Variants in DCLK2 observed in about 807,000 individuals in gnomAD.
The protein encoded by DCLK2 is doublecortin like kinase 2.
DCLK2 carries 31 observed loss-of-function variants against 78.4 expected under a neutral mutation model. The observed-to-expected ratio is 0.40, with a 90% CI of 0.30 to 0.53. The LOEUF (loss-of-function observed/expected upper bound fraction) is 0.53, where lower values mean the gene tolerates loss of function less well. Ranked by LOEUF, DCLK2 falls within the 20% of genes least tolerant of loss-of-function variation. The pLI, the probability that DCLK2 is intolerant of heterozygous loss-of-function variation, is 0.61. For missense variants in DCLK2, 872 were observed against 973.7 expected, an observed-to-expected ratio of 0.90 and a Z score of 1.39; for synonymous variants, 407 against 374.9, an observed-to-expected ratio of 1.09 and a Z score of -0.99.
chr4:150,186,960 G>A (rs867037014), intron 2 of DCLK2, among the ~76,000 whole-genome samples: 7 of 151,186 alleles, frequency 4.6e-5, no homozygotes, highest in African/African-American at 1.7e-4. Flanking sequence ...TTTAAGCATG[G>A]GCAAATAATG....
intron 12 of DCLK2, among the ~76,000 whole-genome samples, chr4:150,243,635 T>G (rs1046333071): frequency 6.6e-6 from 1 of 152,242 alleles, no homozygotes; most frequent in Non-Finnish European, 1.5e-5. Context: ...ATTTACAGTT[T>G]TAGCTTCTCT....
At chr4:150,121,627 T>A (rs1217720048) in intron 2 of DCLK2, among the ~76,000 whole-genome samples, 1 of 152,264 alleles carries the variant, frequency 6.6e-6, no homozygotes, top group Non-Finnish European at 1.5e-5. Context: ...GATATGTTGT[T>A]GACCTCTTCC....
At chr4:150,184,670 C>T (rs944474378) in intron 2 of DCLK2, among the ~76,000 whole-genome samples, 3 of 150,678 alleles carry the variant, frequency 2.0e-5, no homozygotes, top group Non-Finnish European at 2.9e-5. Flanking sequence ...AGCGCGATCT[C>T]GGCTCACTGC....
chr4:150,078,789 G>A lies in DCLK2; in HGVS notation c.-239G>A, dbSNP rs912913828. On this transcript the variant is annotated 5_prime_UTR_variant, in exon 1 of 16. Transcript: ENST00000296550. The stretch of plus-strand genomic sequence containing the variant: ...GGCTCCCCGGCAGGCGGGAGGCACG[G>A]AGCAAGTCGCACTGGACAATGACCT... 9 of 393,942 alleles carry A rather than the reference G, an allele frequency of 2.3e-5. No homozygotes were observed. The highest frequency in any genetic ancestry group is 1.9e-4 in the African/African-American group (9 of 48,130). 24.4% of individuals were successfully genotyped at this position (393,942 alleles called of 1,614,324 possible).
At chr4:150,118,479 T>C (rs1052189801) in intron 2 of DCLK2, among the ~76,000 whole-genome samples, 1 of 152,194 alleles carries the variant, frequency 6.6e-6, no homozygotes, top group Non-Finnish European at 1.5e-5. Flanking sequence ...TCAGAAAATT[T>C]AGAAAATACA....
intron 1 of DCLK2, among the ~76,000 whole-genome samples, chr4:150,096,764 A>G (rs1730496171): frequency 6.6e-6 from 1 of 152,234 alleles, no homozygotes; most frequent in Non-Finnish European, 1.5e-5. Flanking sequence ...GGGGCGAGCC[A>G]CATTTCAGCT....
intron 2 of DCLK2, among the ~76,000 whole-genome samples, chr4:150,152,367 C>T (rs1734959809): frequency 6.6e-6 from 1 of 152,166 alleles, no homozygotes; most frequent in African/African-American, 2.4e-5. Flanking sequence ...CTGCAACCTC[C>T]ACCTCCCCGG....
At chr4:150,140,669 C>T (rs1734050167) in intron 2 of DCLK2, among the ~76,000 whole-genome samples, 1 of 152,086 alleles carries the variant, frequency 6.6e-6, no homozygotes, top group Non-Finnish European at 1.5e-5. Context: ...TATTCTTTTC[C>T]TATTTACTTT....
chr4:150,080,412 T>TC (rs1660281038), intron 1 of DCLK2, among the ~76,000 whole-genome samples: 1 of 152,174 alleles, frequency 6.6e-6, no homozygotes. Flanking sequence ...AAAGGCATTA[T>TC]CAGTGGTTAA....
At chr4:150,168,588 C>T (rs933303056) in intron 2 of DCLK2, among the ~76,000 whole-genome samples, 1 of 152,138 alleles carries the variant, frequency 6.6e-6, no homozygotes, top group Non-Finnish European at 1.5e-5. Flanking sequence ...GGATTCACCA[C>T]CAGGAACATA....
intron 2 of DCLK2, among the ~76,000 whole-genome samples, chr4:150,153,469 G>A (rs917226070): frequency 1.3e-4 from 20 of 151,992 alleles, no homozygotes; most frequent in African/African-American, 4.8e-4. Flanking sequence ...CCGGAGTGCA[G>A]TGGTACAATA....
intron 2 of DCLK2, among the ~76,000 whole-genome samples, chr4:150,115,846 C>T (rs1251265133): frequency 6.6e-6 from 1 of 152,156 alleles, no homozygotes; most frequent in Non-Finnish European, 1.5e-5. Flanking sequence ...GGGGAAGTAT[C>T]CATGGTTAAA....
intron 1 of DCLK2, among the ~76,000 whole-genome samples, chr4:150,083,940 T>C (rs968105599): frequency 6.6e-6 from 1 of 152,186 alleles, no homozygotes; most frequent in African/African-American, 2.4e-5. Flanking sequence ...CTTCAAAAAA[T>C]GCACATTCTC....
rs1454035697 is a variant in DCLK2, at chr4:150,175,011, A to AAAAAAAATATATAT, written c.757-18126_757-18125insAAAAAATATATATA. ...AGACTCCGTCGCAAAAAAAAAAAAA[A>AAAAAAAATATATAT]ATATATATATATATATATATATTTA... On this transcript the variant is annotated intron_variant, in intron 2 of 15. Coordinates refer to ENST00000296550, the MANE Select transcript of DCLK2 (RefSeq NM_001040260.4). 1.4e-3 allele frequency among the ~76,000 whole-genome samples: 14 copies of AAAAAAAATATATAT among 9,976 alleles called. 3 individuals are homozygous for AAAAAAAATATATAT. Among genetic ancestry groups the AAAAAAAATATATAT allele is most frequent in the Non-Finnish European group, 1.9e-3 (8 of 4,166 alleles). The allele number at this position is 9,976 out of a possible 152,430, so 6.5% of individuals were successfully genotyped here. A position where few individuals can be genotyped will look rare whatever the true frequency, so the allele number is the denominator to read the frequency against.
chr4:150,236,586 G>C (rs1742525360), intron 10 of DCLK2, among the ~76,000 whole-genome samples: 1 of 152,170 alleles, frequency 6.6e-6, no homozygotes, highest in Non-Finnish European at 1.5e-5. Context: ...AGCCTTTGGA[G>C]TCCCTGTTCA....
chr4:150,241,283 A>T (rs992595840), intron 12 of DCLK2, among the ~76,000 whole-genome samples: 2 of 152,224 alleles, frequency 1.3e-5, no homozygotes, highest in Non-Finnish European at 2.9e-5. Flanking sequence ...GGGAGCAGAG[A>T]TGGCCACTGA....
At chr4:150,140,022 G>A (rs1451021763) in intron 2 of DCLK2, among the ~76,000 whole-genome samples, 2 of 152,288 alleles carry the variant, frequency 1.3e-5, no homozygotes, top group Non-Finnish European at 2.9e-5. Context: ...CTATAAAGGT[G>A]AGTGTTGGTC....
chr4:150,208,407 TTTTGTTTTGTTTTGTTTTG>T (rs961370999), intron 5 of DCLK2, among the ~76,000 whole-genome samples: 4 of 6,380 alleles, frequency 6.3e-4, no homozygotes, highest in African/African-American at 1.3e-3. Flanking sequence ...TTTGTTTTTG[TTTTGTTTTGTTTTGTTTTG>T]TTTGTTTTGT....
intron 1 of DCLK2, among the ~76,000 whole-genome samples, chr4:150,081,395 A>T (rs934837391): frequency 6.6e-6 from 1 of 152,204 alleles, no homozygotes; most frequent in African/African-American, 2.4e-5. Flanking sequence ...AAATTGACTT[A>T]ACAAATTTCC....
Sources: gnomAD v4.1 joint callset for allele counts (sites outside exome capture counted in the v4.1 genomes callset) on GRCh38, gnomAD v4.1.1 for gene constraint, MANE v1.5 for transcripts, NCBI Gene and HGNC (gene_info 2026-07-23, HGNC 2026-07-21) for gene names.